Variants in CFAP47 observed in about 807,000 individuals in gnomAD.
The protein encoded by CFAP47 is cilia- and flagella-associated protein 47.
Under a neutral mutation model 148.1 loss-of-function variants are expected in CFAP47, and 29 were observed. That is an observed-to-expected ratio of 0.20 (90% confidence interval 0.15 to 0.27). CFAP47 has a LOEUF of 0.27. CFAP47 is among the 10% of genes least tolerant of loss of function. The pLI is 1.00. For synonymous variants in CFAP47, 664 were observed against 577.3 expected (o/e 1.15, Z -2.15); for missense variants, 1,872 against 1,697.5 (o/e 1.10, Z -1.81).
At chrX:35,946,405 G>GTC (rs1936085973) in intron 3 of CFAP47, among the ~76,000 whole-genome samples, 1 of 111,520 alleles carries the variant, frequency 9.0e-6, no homozygotes, top group African/African-American at 3.3e-5. Context: ...GTCAAATTAT[G>GTC]TCTAAGTAGT....
At chrX:36,202,283 CT>C (rs1214143388) in intron 44 of CFAP47, among the ~76,000 whole-genome samples, 1 of 111,439 alleles carries the variant, frequency 9.0e-6, no homozygotes, top group Non-Finnish European at 1.9e-5. Context: ...AAACGCAAGC[CT>C]GCTCATGTTG....
rs375615597 is a variant in CFAP47 at position 35,945,976 on chromosome X, G to A, written c.518-2338G>A. Among the ~76,000 whole-genome samples the A allele has an allele frequency of 2.4e-4, 25 of 102,269 alleles. No individual in the cohort carries two copies. In the South Asian group the frequency reaches 7.6e-3, roughly 31 times the overall value. The allele number at this position is 102,269 out of a possible 115,157, so 88.8% of individuals were successfully genotyped here. ...CAACCTCCGCCTCCCAGGCTCAACC[G>A]ATTTTCCTGCTTCAGCCTCCCCAGT... On this transcript the variant is annotated intron_variant, in intron 3 of 63. Transcript: ENST00000378653.
At position 36,200,425 on chromosome X, in the gene CFAP47, T is replaced by C; in HGVS notation, c.6368T>C (p.Leu2123Ser). The C allele has an allele frequency of 3.4e-6, 1 of 295,349 alleles. No individual in the cohort carries two copies. Among genetic ancestry groups the C allele is most frequent in the Non-Finnish European group, 5.9e-6 (1 of 169,556 alleles). 24.3% of individuals were successfully genotyped at this position (295,349 alleles called of 1,213,427 possible). A position where few individuals can be genotyped will look rare whatever the true frequency, so the allele number is the denominator to read the frequency against. The change falls in exon 43 of 64, where the codon TTG becomes TCG. Residue 2123 changes from leucine to serine, a missense_variant. Coordinates refer to ENST00000378653, the MANE Select transcript of CFAP47 (RefSeq NM_001304548.2). Reference sequence around the variant, plus strand: ...GCGGAAGGAAAAGGTATGACCCCCTTGCCTTCCAGTTGCCTTCCAATGAAT... The same window carrying C: ...GCGGAAGGAAAAGGTATGACCCCCTCGCCTTCCAGTTGCCTTCCAATGAAT... ...YVAEGKGMTP[L>S]PSSCLPMNTS...
chrX:36,364,937 TATATATACAC>T (rs1176863120), intron 61 of CFAP47, among the ~76,000 whole-genome samples: 1 of 79,961 alleles, frequency 1.3e-5, no homozygotes, highest in Admixed American at 1.4e-4. Context: ...TATATATATA[TATATATACAC>T]ACACACACAT....
In CFAP47 at chrX:35,971,940, A is replaced by G; in HGVS notation, c.2229A>G (p.Pro743=). Reference sequence around the variant, plus strand: ...ATGATTGCAGCTTAATGTTGACACCAAAGCAAATTCATCAAGTAATTGTTG... The same window carrying G: ...ATGATTGCAGCTTAATGTTGACACCGAAGCAAATTCATCAAGTAATTGTTG... ...EKHDCSLMLT[P]KQIHQVIVGP... is the part of the protein sequence containing the mutation. The change falls in exon 13 of 64, where the codon CCA becomes CCG. Residue 743 remains proline, a synonymous_variant. Transcript: ENST00000378653. The G allele has an allele frequency of 8.4e-7, 1 of 1,185,613 alleles. No individual in the cohort carries two copies.
At chrX:36,372,177 C>A (rs1941977574) in intron 62 of CFAP47, among the ~76,000 whole-genome samples, 3 of 106,065 alleles carry the variant, frequency 2.8e-5, no homozygotes, top group Admixed American at 1.0e-4. Context: ...TTATTTCTAA[C>A]AATAACAATA....
intron 2 of CFAP47, among the ~76,000 whole-genome samples, 177 bp downstream of exon 2, chrX:35,926,345 AT>A (rs769712081): frequency 3.5e-4 from 39 of 112,437 alleles, no homozygotes; most frequent in African/African-American, 1.0e-3. Flanking sequence ...TGTTATTTTT[AT>A]TTAAAAAACG....
At chrX:35,980,981 GCT>G (rs1274702559) in intron 15 of CFAP47, among the ~76,000 whole-genome samples, 9 of 110,003 alleles carry the variant, frequency 8.2e-5, no homozygotes, top group Non-Finnish European at 1.5e-4. Context: ...ATATAAAATT[GCT>G]CTCTTTGTCT....
Position 35,975,135 on chromosome X carries a change from AT to A in CFAP47, c.2255-4del. 24 of 1,052,927 alleles carry A rather than the reference AT, an allele frequency of 2.3e-5. No individual in the cohort carries two copies. Among genetic ancestry groups the A allele is most frequent in the South Asian group, 1.0e-4 (4 of 39,485 alleles). The allele number at this position is 1,052,927 out of a possible 1,213,427, so 86.8% of individuals were successfully genotyped here. A position where few individuals can be genotyped will look rare whatever the true frequency, so the allele number is the denominator to read the frequency against. ...CTTTAAACTTAACAAAATACTTTTC[AT>A]TTTTTTTCAGGGCCTTCTGTCCTTA... On this transcript the variant is annotated splice_polypyrimidine_tract_variant and intron_variant, in intron 13 of 63. Coordinates refer to ENST00000378653, the MANE Select transcript of CFAP47 (RefSeq NM_001304548.2).
chrX:36,112,595 G>A (rs1397487944), intron 33 of CFAP47, among the ~76,000 whole-genome samples: 2 of 111,587 alleles, frequency 1.8e-5, no homozygotes, highest in Non-Finnish European at 3.8e-5. Flanking sequence ...TGGGTGGATA[G>A]TTCTGTAGAT....
chrX:36,331,795 A>G (rs1941567403), intron 57 of CFAP47, among the ~76,000 whole-genome samples: 1 of 111,937 alleles, frequency 8.9e-6, no homozygotes, highest in Non-Finnish European at 1.9e-5. Context: ...AGCTGCTGCA[A>G]CAGCTTCCTT....
intron 49 of CFAP47, among the ~76,000 whole-genome samples, chrX:36,260,611 G>C (rs1014413180): frequency 1.8e-5 from 2 of 111,835 alleles, no homozygotes; most frequent in Non-Finnish European, 3.8e-5. Context: ...ATAGATTTTG[G>C]ATATTAGACC....
chrX:36,131,187 G>T (rs2146823991), intron 33 of CFAP47, among the ~76,000 whole-genome samples: 1 of 110,636 alleles, frequency 9.0e-6, no homozygotes, highest in Admixed American at 9.7e-5. Context: ...ATAAATATAT[G>T]CATCTACTAT....
At chrX:36,257,361 T>C (rs1228874833) in intron 49 of CFAP47, among the ~76,000 whole-genome samples, 6 of 111,720 alleles carry the variant, frequency 5.4e-5, no homozygotes, top group Non-Finnish European at 9.4e-5. Context: ...GATCATGGCC[T>C]GGTGGCCTAA....
At chrX:36,044,735 A>T (rs984289863) in intron 25 of CFAP47, among the ~76,000 whole-genome samples, 2 of 111,861 alleles carry the variant, frequency 1.8e-5, no homozygotes, top group African/African-American at 6.5e-5. Flanking sequence ...ATTTTCACTC[A>T]TCTTCCTGTC....
chrX:36,350,195 C>G, intron 59 of CFAP47, 63 bp downstream of exon 59: 1 of 758,716 alleles, frequency 1.3e-6, no homozygotes, highest in South Asian at 2.5e-5. Context: ...TTCTCTATTC[C>G]CATCTTTTTT....
Position 36,285,651 on chromosome X carries a change from A to T in CFAP47, c.7611A>T (p.Arg2537Ser), listed in dbSNP as rs1941124416. ...ADTYGNFNNL[R>S]FWYNLEIHST... ...CAGATGGTAATTTTAACAATTTAAGATTCTGGTATAATCTTGAGATCCATA... is the reference window on the plus strand; with the variant it reads ...CAGATGGTAATTTTAACAATTTAAGTTTCTGGTATAATCTTGAGATCCATA... The change falls in exon 51 of 64, where the codon AGA (arginine) becomes AGT (serine). Residue 2537 changes from arginine to serine, a missense_variant. By Grantham distance (110) the Arg-to-Ser change is moderately radical. Transcript: ENST00000378653. The T allele has an allele frequency of 1.0e-6, 1 of 1,001,067 alleles. No individual in the cohort carries two copies. 82.5% of individuals were successfully genotyped at this position (1,001,067 alleles called of 1,213,427 possible). A position where few individuals can be genotyped will look rare whatever the true frequency, so the allele number is the denominator to read the frequency against.
chrX:36,179,614 T>G (rs1395806418), intron 40 of CFAP47, among the ~76,000 whole-genome samples, 192 bp downstream of exon 40: 1 of 111,891 alleles, frequency 8.9e-6, no homozygotes, highest in African/African-American at 3.2e-5. Context: ...TGAATAAATC[T>G]GAACTTGATT....
intron 22 of CFAP47, among the ~76,000 whole-genome samples, chrX:36,026,671 T>G (rs1167951391): frequency 9.0e-6 from 1 of 110,742 alleles, no homozygotes; most frequent in African/African-American, 3.3e-5. Flanking sequence ...CATAAATTCA[T>G]AAATTCTATG....
Sources: gnomAD v4.1 joint callset for allele counts (sites outside exome capture counted in the v4.1 genomes callset) on GRCh38, gnomAD v4.1.1 for gene constraint, MANE v1.5 for transcripts, NCBI Gene and HGNC (gene_info 2026-07-23, HGNC 2026-07-21) for gene names.